Variants in DRG2 observed in about 807,000 individuals in gnomAD.
DRG2 encodes the protein developmentally regulated GTP binding protein 2.
A neutral mutation model predicts 53.4 loss-of-function variants in DRG2; 36 were observed. That is an observed-to-expected ratio of 0.67 (90% confidence interval 0.52 to 0.89). DRG2 has a LOEUF of 0.89. Among genes scored for constraint, DRG2 ranks in the 40% least tolerant of loss-of-function variants. DRG2 has a pLI of 0.00. For synonymous variants in DRG2, 167 were observed against 192.1 expected (o/e 0.87, Z 1.08); for missense variants, 342 against 481.2 (o/e 0.71, Z 2.71).
At chr17:18,102,411 A>C (rs2045553681) in intron 9 of DRG2, among the ~76,000 whole-genome samples, 1 of 152,042 alleles carries the variant, frequency 6.6e-6, no homozygotes, top group African/African-American at 2.4e-5. Context: ...TCATGAGGTC[A>C]GGAGATCGAG....
intron 11 of DRG2, chr17:18,106,186 C>A: frequency 1.8e-6 from 1 of 542,884 alleles, no homozygotes; most frequent in African/African-American, 1.9e-5. Context: ...GCTTTGGGAA[C>A]ATTCCTAACT....
At position 18,099,825 on chromosome 17, in the gene DRG2, G is replaced by T. The variant is rs529713924; in HGVS notation, c.467+102G>T. 2.5e-5 allele frequency: 29 copies of T among 1,158,126 alleles called. No individual in the cohort carries two copies. The South Asian group carries it at 3.4e-4, about 14-fold the overall frequency. 71.7% of individuals were successfully genotyped at this position (1,158,126 alleles called of 1,614,324 possible). ...CTGTGGGTGTTTGGCTCTCTCACAC[G>T]TGAGAGTAGTGGTAGGACTTGTCAC... On this transcript the variant is annotated intron_variant, in intron 5 of 12. Transcript: ENST00000225729. This position sits in a 1 kb window ranked among gnomAD's most constrained non-coding sequence, Gnocchi z 4.4.
Position 18,103,936 on chromosome 17 carries a change from T to C in DRG2, c.895+47T>C, listed in dbSNP as rs756145964. ...TGAAAAACAGGCTGAGCTTCATCCC[T>C]AGAAGGCTGCCAGGCCGGTGTGTGG... On this transcript the variant is annotated intron_variant, in intron 10 of 12. Transcript: ENST00000225729. This position sits in a 1 kb window ranked among gnomAD's most constrained non-coding sequence, Gnocchi z 4.4. 1.9e-6 allele frequency: 3 copies of C among 1,588,150 alleles called. No homozygotes were observed. In the African/African-American group the frequency reaches 4.0e-5, roughly 21 times the overall value.
In DRG2 at chr17:18,099,599, C is replaced by T; in HGVS notation, c.377-34C>T. On this transcript the variant is annotated intron_variant, in intron 4 of 12. Transcript: ENST00000225729. The surrounding 1 kb of genome is among the most constrained non-coding windows in gnomAD (Gnocchi z 4.4). ...GGGCTGGGTAGCAGTCACATGGGTC[C>T]ACATATGTAACTGCATCCCTCACAC... 6.3e-7 allele frequency: 1 copy of T among 1,577,230 alleles called. No individual in the cohort carries two copies. The highest frequency in any genetic ancestry group is 1.2e-5 in the South Asian group (1 of 85,888).
rs761322895 is a variant in DRG2 at position 18,093,945 on chromosome 17, C to T, written c.197C>T (p.Ala66Val). The stretch of plus-strand genomic sequence containing the variant: ...ATGAAGTCGGGTGATGCCCGTGTGG[C>T]GCTGATTGGATTTCCCTCTGTGGGT... ...DVMKSGDARV[A>V]LIGFPSVGKS... Residue 66 changes from alanine (A) to valine (V), a missense_variant, in exon 2 of 13, where the codon GCG becomes GTG. Ala to Val is a moderately conservative substitution (Grantham distance 64). Coordinates refer to ENST00000225729, the MANE Select transcript of DRG2 (RefSeq NM_001388.5). 1.4e-5 allele frequency: 23 copies of T among 1,613,984 alleles called. No individual in the cohort carries two copies. Among genetic ancestry groups the T allele is most frequent in the African/African-American group, 2.7e-5 (2 of 74,934 alleles).
In DRG2 at chr17:18,100,359, C is replaced by T. The variant is rs1306581797; in HGVS notation, c.468-4C>T. 1.2e-6 allele frequency: 2 copies of T among 1,614,136 alleles called. No homozygotes were observed. The highest frequency in any genetic ancestry group is 3.3e-5 in the Admixed American group (2 of 60,020). ...GTGAGGGGCTTAAGGGGTACTCTTC[C>T]TAGGTCTCTGCTGGAGAAGGAGCTG... On this transcript the variant is annotated splice_region_variant and splice_polypyrimidine_tract_variant and intron_variant, in intron 5 of 12. Transcript: ENST00000225729. The surrounding 1 kb of genome is among the most constrained non-coding windows in gnomAD (Gnocchi z 4.1).
chr17:18,107,642 C>T lies in DRG2; in HGVS notation c.*402C>T. 1 of 213,850 alleles carries T rather than the reference C, an allele frequency of 4.7e-6. No homozygotes were observed. Among genetic ancestry groups the T allele is most frequent in the Non-Finnish European group, 9.6e-6 (1 of 104,516 alleles). 13.2% of individuals were successfully genotyped at this position (213,850 alleles called of 1,614,324 possible). A position where few individuals can be genotyped will look rare whatever the true frequency, so the allele number is the denominator to read the frequency against. ...GGCTGTGGCTGCTGTCATGGCACCTCACTCCCTCAGCTCTTGCCAGCTTCT... is the reference window on the plus strand; with the variant it reads ...GGCTGTGGCTGCTGTCATGGCACCTTACTCCCTCAGCTCTTGCCAGCTTCT... On this transcript the variant is annotated 3_prime_UTR_variant, in exon 13 of 13. Transcript: ENST00000225729.
chr17:18,092,904 T>C (rs1182344032), intron 1 of DRG2, among the ~76,000 whole-genome samples: 2 of 152,200 alleles, frequency 1.3e-5, no homozygotes, highest in African/African-American at 2.4e-5. Flanking sequence ...GGTGAGCAGC[T>C]CTAGGTAAAG....
intron 1 of DRG2, among the ~76,000 whole-genome samples, chr17:18,092,384 A>G (rs2045349335): frequency 6.6e-6 from 1 of 152,120 alleles, no homozygotes; most frequent in Non-Finnish European, 1.5e-5. Flanking sequence ...GGAGTTCAAG[A>G]CTAGTGAGCT....
chr17:18,099,235 G>A lies in DRG2; in HGVS notation c.376+158G>A. ...AGTTCAAATCCTTGGCACCAAACTAGCCTTGTGATCTTGGGCAAGTGATTG... is the reference window on the plus strand; with the variant it reads ...AGTTCAAATCCTTGGCACCAAACTAACCTTGTGATCTTGGGCAAGTGATTG... On this transcript the variant is annotated intron_variant, in intron 4 of 12. Coordinates refer to ENST00000225729, the MANE Select transcript of DRG2 (RefSeq NM_001388.5). This position sits in a 1 kb window ranked among gnomAD's most constrained non-coding sequence, Gnocchi z 4.4. The A allele has an allele frequency of 1.1e-6, 1 of 941,132 alleles. No individual in the cohort carries two copies. The highest frequency in any genetic ancestry group is 1.6e-5 in the South Asian group (1 of 60,634). 58.3% of individuals were successfully genotyped at this position (941,132 alleles called of 1,614,324 possible).
At chr17:18,093,580 A>G (rs2142184078) in intron 1 of DRG2, among the ~76,000 whole-genome samples, 1 of 152,278 alleles carries the variant, frequency 6.6e-6, no homozygotes, top group East Asian at 1.9e-4. Flanking sequence ...GGCCTCCCAA[A>G]GTGCTGGGAT....
In DRG2 at chr17:18,106,440, G is replaced by A. The variant is rs552445784; in HGVS notation, c.962G>A (p.Arg321His). 8 of 1,613,978 alleles carry A rather than the reference G, an allele frequency of 5.0e-6. No homozygotes were observed. Among genetic ancestry groups the A allele is most frequent in the South Asian group, 1.1e-5 (1 of 91,080 alleles). Residue 321 changes from arginine (R) to histidine (H), a missense_variant, in exon 12 of 13, where the codon CGC becomes CAC. Transcript: ENST00000225729. ...CTCTCTCCTGTCCTCCAGTGCCACC[G>A]CATCCACCGGTCACTCGCCAGCCAG... ...KGASVEHVCH[R>H]IHRSLASQFK... is the part of the protein sequence containing the mutation.
chr17:18,092,876 A>G (rs1377561657), intron 1 of DRG2, among the ~76,000 whole-genome samples: 1 of 152,196 alleles, frequency 6.6e-6, no homozygotes, highest in Non-Finnish European at 1.5e-5. Flanking sequence ...CTGCCATGGC[A>G]GCGTGGGATC....
At chr17:18,101,175 G>T (rs1176417432) in intron 7 of DRG2, among the ~76,000 whole-genome samples, 1 of 152,218 alleles carries the variant, frequency 6.6e-6, no homozygotes, top group African/African-American at 2.4e-5. Context: ...AGCTGGGTTC[G>T]ACCAGCTTTC....
chr17:18,099,568 C>A lies in DRG2; in HGVS notation c.377-65C>A. The A allele has an allele frequency of 6.6e-7, 1 of 1,518,408 alleles. No homozygotes were observed. Among genetic ancestry groups the A allele is most frequent in the Non-Finnish European group, 9.0e-7 (1 of 1,116,486 alleles). The allele number at this position is 1,518,408 out of a possible 1,614,324, so 94.1% of individuals were successfully genotyped here. A position where few individuals can be genotyped will look rare whatever the true frequency, so the allele number is the denominator to read the frequency against. ...GTCTGTAAAGGACAGGAGTCCAGGG[C>A]GCCGTGGGCTGGGTAGCAGTCACAT... On this transcript the variant is annotated intron_variant, in intron 4 of 12. Transcript: ENST00000225729. The surrounding 1 kb of genome is among the most constrained non-coding windows in gnomAD (Gnocchi z 4.4).
At position 18,106,513 on chromosome 17, in the gene DRG2, G is replaced by A. The variant is rs760294688; in HGVS notation, c.1008+27G>A. On this transcript the variant is annotated intron_variant, in intron 12 of 12. Coordinates refer to ENST00000225729, the MANE Select transcript of DRG2 (RefSeq NM_001388.5). ...TGAGTCTCTGGGTGGAAAGCAACCA[G>A]GGGGGTAGACCCAGGACAGCCCCTG... is the stretch of plus-strand genomic sequence containing the variant. The A allele has an allele frequency of 7.4e-6, 12 of 1,612,838 alleles. 1 individual carries two copies. The highest frequency in any genetic ancestry group is 5.0e-5 in the Admixed American group (3 of 59,978).
intron 2 of DRG2, 187 bp downstream of exon 2, chr17:18,094,160 C>A (rs1567600323): frequency 1.4e-6 from 1 of 697,992 alleles, no homozygotes; most frequent in Non-Finnish European, 2.3e-6. Context: ...CTCTTGCCAG[C>A]AGATGGAGCC....
chr17:18,101,852 C>T (rs767356967), intron 8 of DRG2, 69 bp from the exon 9 acceptor site: 22 of 1,505,326 alleles, frequency 1.5e-5, no homozygotes, highest in Middle Eastern at 1.7e-4. Context: ...CGGCACAGGG[C>T]GATGGAGGGC....
In DRG2 at chr17:18,088,097, G is replaced by A. The variant is rs1053227322; in HGVS notation, c.64+10G>A. The A allele has an allele frequency of 2.6e-6, 4 of 1,539,144 alleles. No homozygotes were observed. The African/African-American group carries it at 4.2e-5, about 16-fold the overall frequency. On this transcript the variant is annotated intron_variant, in intron 1 of 12. Coordinates refer to ENST00000225729, the MANE Select transcript of DRG2 (RefSeq NM_001388.5). ...ACACAGAAGAACAAGGGTGAGGGCC[G>A]GCCGGGCGGGGCCTTCCTTTCTGCC...
Sources: allele counts gnomAD v4.1 joint callset (sites outside exome capture counted in the v4.1 genomes callset), GRCh38; gene constraint gnomAD v4.1.1; non-coding constraint Gnocchi (gnomAD v3.1); transcripts MANE v1.5; gene names NCBI Gene and HGNC (gene_info 2026-07-23, HGNC 2026-07-21).